The following POLN variants were observed in gnomAD, a reference collection of about 807,000 sequenced individuals.
POLN encodes the protein DNA polymerase nu.
Under a neutral mutation model 113.5 loss-of-function variants are expected in POLN, and 108 were observed. The ratio of observed to expected loss-of-function variants is 0.95; its 90% CI spans 0.81 to 1.12. POLN has a LOEUF of 1.12. Among genes scored for constraint, POLN ranks in the 50% most tolerant of loss-of-function variants. POLN has a pLI of 0.00. For missense variants in POLN, 1,097 were observed against 1,077.1 expected (o/e 1.02, Z -0.26); for synonymous variants, 386 against 391.5 (o/e 0.99, Z 0.17).
At chr4:2,079,871 C>T (rs1730363049) in intron 23 of POLN, 1 of 985,472 alleles carries the variant, frequency 1.0e-6, no homozygotes, top group Non-Finnish European at 1.2e-6. Context: ...AGGCGTGAGC[C>T]ACTGTGCCCA....
chr4:2,083,835 G>C (rs535160438), intron 21 of POLN, among the ~76,000 whole-genome samples: 2 of 152,406 alleles, frequency 1.3e-5, no homozygotes, highest in South Asian at 4.1e-4. Flanking sequence ...GATGGAGGAA[G>C]AGCGGTGGAG....
Position 2,088,783 on chromosome 4 carries a change from T to C in POLN, c.2066-3039A>G, listed in dbSNP as rs545574011. On this transcript the variant is annotated intron_variant, in intron 20 of 25. Transcript: ENST00000511885. ...CAGGTGATGCTGATTTGAAGTCAAA[T>C]GGTATTATCGCTACAAGAGGACTTA... The C allele has an allele frequency of 1.7e-4, 226 of 1,334,118 alleles. No homozygotes were observed. The African/African-American group carries it at 3.2e-3, about 19-fold the overall frequency. The allele number at this position is 1,334,118 out of a possible 1,614,324, so 82.6% of individuals were successfully genotyped here.
At position 2,228,940 on chromosome 4, in the gene POLN, A is replaced by G. The variant is rs1233441623; in HGVS notation, c.133+159T>C. 5 of 575,348 alleles carry G rather than the reference A, an allele frequency of 8.7e-6. No individual in the cohort carries two copies. The Admixed American group carries it at 1.3e-4, about 15-fold the overall frequency. 35.6% of individuals were successfully genotyped at this position (575,348 alleles called of 1,614,324 possible). ...AAGCAATGAAGGTTAAGGGAACACGAAAGTTAGCAAGCAGAAGCTCAGTCT... is the reference window on the plus strand; with the variant it reads ...AAGCAATGAAGGTTAAGGGAACACGGAAGTTAGCAAGCAGAAGCTCAGTCT... On this transcript the variant is annotated intron_variant, in intron 3 of 25. Coordinates refer to ENST00000511885, the MANE Select transcript of POLN (RefSeq NM_181808.4).
chr4:2,122,291 AATTT>A, intron 19 of POLN, among the ~76,000 whole-genome samples: 1 of 152,322 alleles, frequency 6.6e-6, no homozygotes, highest in East Asian at 1.9e-4. Flanking sequence ...GGTGTTATTA[AATTT>A]ATTACATACT....
chr4:2,091,759 ATC>A (rs1487694483), intron 20 of POLN, among the ~76,000 whole-genome samples: 1 of 129,260 alleles, frequency 7.7e-6, no homozygotes, highest in African/African-American at 3.2e-5. Context: ...GTACACGTGA[ATC>A]TGTGTGTGTG....
chr4:2,154,006 G>A lies in POLN; in HGVS notation c.1731+2782C>T, dbSNP rs1459508462. On this transcript the variant is annotated intron_variant, in intron 16 of 25. Coordinates refer to ENST00000511885, the MANE Select transcript of POLN (RefSeq NM_181808.4). The stretch of plus-strand genomic sequence containing the variant: ...AGGTCAGGAGATTGAGACCATCCTG[G>A]CTAACATGGTGAAACCCTATCTCTA... Among the ~76,000 whole-genome samples, 100 of 151,402 alleles carry A rather than the reference G, an allele frequency of 6.6e-4. No individual in the cohort carries two copies. The Middle Eastern group carries it at 0.01, about 15-fold the overall frequency.
intron 3 of POLN, among the ~76,000 whole-genome samples, chr4:2,224,779 T>C (rs915678118): frequency 1.3e-5 from 2 of 151,854 alleles, no homozygotes; most frequent in Non-Finnish European, 2.9e-5. Context: ...GGTGAAACCC[T>C]GCCTCCACTA....
chr4:2,138,127 G>A (rs975211215), intron 16 of POLN, among the ~76,000 whole-genome samples: 10 of 152,210 alleles, frequency 6.6e-5, no homozygotes, highest in African/African-American at 2.2e-4. Context: ...ATGAGCCACT[G>A]TGCCCAGCCA....
intron 6 of POLN, among the ~76,000 whole-genome samples, chr4:2,196,235 T>C (rs1317526401): frequency 6.6e-6 from 1 of 152,230 alleles, no homozygotes; most frequent in Non-Finnish European, 1.5e-5. Context: ...TTTAGTGTCC[T>C]ATATTTTAAT....
intron 19 of POLN, among the ~76,000 whole-genome samples, chr4:2,118,747 T>C (rs1731375277): frequency 6.6e-6 from 1 of 152,252 alleles, no homozygotes; most frequent in African/African-American, 2.4e-5. Context: ...CAGGTTATGC[T>C]ACCATGAGAA....
chr4:2,132,122 G>T (rs1731742489), intron 16 of POLN, among the ~76,000 whole-genome samples: 1 of 152,150 alleles, frequency 6.6e-6, no homozygotes, highest in African/African-American at 2.4e-5. Flanking sequence ...ATTTTTTTAA[G>T]ATGAGGACAT....
intron 6 of POLN, 21 bp downstream of exon 6, chr4:2,198,503 C>T (rs1733633811): frequency 2.5e-6 from 4 of 1,592,754 alleles, no homozygotes; most frequent in East Asian, 2.3e-5. Flanking sequence ...GGGTGTGAGC[C>T]CATGTGTGAA....
chr4:2,169,740 T>G (rs1732814389), intron 13 of POLN, among the ~76,000 whole-genome samples: 1 of 152,230 alleles, frequency 6.6e-6, no homozygotes, highest in African/African-American at 2.4e-5. Flanking sequence ...GCCCTTGTTC[T>G]TACTTACTAC....
intron 13 of POLN, among the ~76,000 whole-genome samples, chr4:2,168,162 G>A (rs1315073953): frequency 6.6e-6 from 1 of 152,204 alleles, no homozygotes; most frequent in African/African-American, 2.4e-5. Context: ...GAAAAGTCAT[G>A]CACTGTTAGG....
chr4:2,098,810 T>C (rs1261507817), intron 19 of POLN, among the ~76,000 whole-genome samples: 5 of 152,174 alleles, frequency 3.3e-5, no homozygotes, highest in Non-Finnish European at 7.4e-5. Context: ...CTTGGAGAAA[T>C]GGCTGATTCC....
chr4:2,084,074 G>A (rs1730494552), intron 21 of POLN, among the ~76,000 whole-genome samples: 4 of 152,180 alleles, frequency 2.6e-5, no homozygotes, highest in African/African-American at 7.2e-5. Context: ...AGCTTTTGAT[G>A]CTTCCTTGAC....
chr4:2,227,005 A>G (rs895962808), intron 3 of POLN, among the ~76,000 whole-genome samples: 1 of 152,212 alleles, frequency 6.6e-6, no homozygotes, highest in African/African-American at 2.4e-5. Flanking sequence ...TCTGTGGTGG[A>G]AAGACTCCAA....
intron 19 of POLN, among the ~76,000 whole-genome samples, chr4:2,107,482 G>C (rs1044980955): frequency 1.3e-5 from 2 of 152,194 alleles, no homozygotes; most frequent in African/African-American, 4.8e-5. Context: ...AAGGCTTGGA[G>C]GGGTTGCATG....
At chr4:2,130,855 T>C (rs1731710501) in intron 17 of POLN, among the ~76,000 whole-genome samples, 1 of 152,172 alleles carries the variant, frequency 6.6e-6, no homozygotes, top group Non-Finnish European at 1.5e-5. Context: ...CAGTTAGTTA[T>C]ATAGAAAATC....
Sources: gnomAD v4.1 joint callset for allele counts (sites outside exome capture counted in the v4.1 genomes callset) on GRCh38, gnomAD v4.1.1 for gene constraint, MANE v1.5 for transcripts, NCBI Gene and HGNC (gene_info 2026-07-23, HGNC 2026-07-21) for gene names.